Variants in OPN4 observed in about 807,000 individuals in gnomAD.
OPN4 encodes the protein opsin 4.
In OPN4, 43 loss-of-function variants were observed where a neutral mutation model predicts 49.5. The observed-to-expected ratio is 0.87, with a 90% CI of 0.68 to 1.12. The LOEUF is 1.12. OPN4 is among the 50% of genes most tolerant of loss of function. The pLI is 0.00. For missense variants in OPN4, 657 were observed against 643.9 expected (o/e 1.02, Z -0.22); for synonymous variants, 263 against 258.0 (o/e 1.02, Z -0.19).
At chr10:86,658,880 A>G (rs1266563666) in intron 4 of OPN4, among the ~76,000 whole-genome samples, 193 bp downstream of exon 4, 1 of 152,142 alleles carries the variant, frequency 6.6e-6, no homozygotes, top group Non-Finnish European at 1.5e-5. Flanking sequence ...TCAGGGGCCA[A>G]AGGATCTCCT....
intron 5 of OPN4, among the ~76,000 whole-genome samples, 188 bp from the exon 6 acceptor site, chr10:86,659,707 G>A (rs774252922): frequency 6.6e-6 from 1 of 152,244 alleles, no homozygotes; most frequent in African/African-American, 2.4e-5. Context: ...TCAAGAGGGA[G>A]TAGGGGGCAG....
At chr10:86,661,086 C>T (rs2132305642) in intron 6 of OPN4, among the ~76,000 whole-genome samples, 195 bp from the exon 7 acceptor site, 1 of 151,806 alleles carries the variant, frequency 6.6e-6, no homozygotes, top group Non-Finnish European at 1.5e-5. Flanking sequence ...GAGATCACAC[C>T]ACTGCCACTC....
chr10:86,661,343 C>T lies in OPN4; in HGVS notation c.1028C>T (p.Ala343Val), dbSNP rs765393160. ...CCAGCCGTCATCGCCAAGGCCTCTGCAATCCACAACCCCATCATTTACGCC... is the reference window on the plus strand; with the variant it reads ...CCAGCCGTCATCGCCAAGGCCTCTGTAATCCACAACCCCATCATTTACGCC... ...SVPAVIAKAS[A>V]IHNPIIYAIT... is the part of the protein sequence containing the mutation. The change falls in exon 7 of 10, where the codon GCA (alanine) becomes GTA (valine). Residue 343 changes from alanine to valine, a missense_variant. Ala to Val is a moderately conservative substitution (Grantham distance 64, BLOSUM62 0). Coordinates refer to ENST00000241891, the MANE Select transcript of OPN4 (RefSeq NM_033282.4). 3 of 1,614,110 alleles carry T rather than the reference C, an allele frequency of 1.9e-6. No individual in the cohort carries two copies. In the South Asian group the frequency reaches 3.3e-5, roughly 18 times the overall value.
intron 6 of OPN4, 121 bp downstream of exon 6, chr10:86,660,180 C>A: frequency 9.2e-7 from 1 of 1,091,838 alleles, no homozygotes; most frequent in Non-Finnish European, 1.3e-6. Context: ...CTAGGACCAG[C>A]TTCACAGCTT....
chr10:86,655,097 A>G (rs1026400682), intron 1 of OPN4, among the ~76,000 whole-genome samples, 170 bp downstream of exon 1: 3 of 152,226 alleles, frequency 2.0e-5, no homozygotes, highest in African/African-American at 7.2e-5. Flanking sequence ...AAACAGGCTG[A>G]TAGAGGAGGG....
chr10:86,662,462 G>T (rs55664627), intron 8 of OPN4, 30 bp downstream of exon 8: 10 of 1,534,148 alleles, frequency 6.5e-6, no homozygotes, highest in Non-Finnish European at 8.7e-6. Flanking sequence ...ACCAGCTTGC[G>T]CCTGGCCATC....
chr10:86,654,759 C>G lies in OPN4; in HGVS notation c.-25C>G. On this transcript the variant is annotated 5_prime_UTR_variant, in exon 1 of 10. Transcript: ENST00000241891. Reference sequence around the variant, plus strand: ...TGTGCCCTTGACTTCTCTGTGGGCTCGAGCAAGGACCATCCCAACTCAGGA... The same window carrying G: ...TGTGCCCTTGACTTCTCTGTGGGCTGGAGCAAGGACCATCCCAACTCAGGA... The G allele has an allele frequency of 1.3e-6, 2 of 1,594,664 alleles. No individual in the cohort carries two copies. Among genetic ancestry groups the G allele is most frequent in the Non-Finnish European group, 8.6e-7 (1 of 1,165,414 alleles).
In OPN4 at chr10:86,662,536, C is replaced by G; in HGVS notation, c.1254+104C>G. The G allele has an allele frequency of 2.7e-6, 3 of 1,122,142 alleles. 1 individual carries two copies. In the South Asian group the frequency reaches 4.7e-5, roughly 18 times the overall value. The allele number at this position is 1,122,142 out of a possible 1,614,324, so 69.5% of individuals were successfully genotyped here. On this transcript the variant is annotated intron_variant, in intron 8 of 9. Transcript: ENST00000241891. ...GGCCCTGGCAGGGCTGCCTCTGAGA[C>G]TCAGGGACACTGAGGACGCTGGCAC...
chr10:86,659,219 C>A, intron 4 of OPN4, 78 bp from the exon 5 acceptor site: 2 of 1,178,216 alleles, frequency 1.7e-6, no homozygotes, highest in Non-Finnish European at 2.4e-6. Context: ...GACCCGAATG[C>A]CACATACAAA....
At chr10:86,661,738 G>A (rs555200394) in intron 7 of OPN4, among the ~76,000 whole-genome samples, 1 of 138,088 alleles carries the variant, frequency 7.2e-6, no homozygotes, top group South Asian at 2.4e-4. Context: ...AATCACAGCA[G>A]GGAGAGCTCA....
chr10:86,659,941 T>TGGAAGC lies in OPN4; in HGVS notation c.849_850insAAGCGG (p.Trp283_Gln284insLysArg). The TGGAAGC allele has an allele frequency of 6.2e-7, 1 of 1,614,176 alleles. No individual in the cohort carries two copies. Among genetic ancestry groups the TGGAAGC allele is most frequent in the Non-Finnish European group, 8.5e-7 (1 of 1,180,004 alleles). ...CTGCAAGGGCAATGGCGAGTCCCTG[T>TGGAAGC]GGCAGCGGCAGCGGCTGCAGAGCGA... On this transcript the variant is annotated inframe_insertion, in exon 6 of 10. Coordinates refer to ENST00000241891, the MANE Select transcript of OPN4 (RefSeq NM_033282.4).
intron 2 of OPN4, among the ~76,000 whole-genome samples, chr10:86,656,853 G>A (rs1843879418): frequency 6.6e-6 from 1 of 150,460 alleles, no homozygotes; most frequent in South Asian, 2.1e-4. Flanking sequence ...GCTGAGGCAG[G>A]AAAATCGCCT....
In OPN4 at chr10:86,661,316, T is replaced by G. The variant is rs1844000748; in HGVS notation, c.1001T>G (p.Val334Gly). The change falls in exon 7 of 10, where the codon GTG (valine) becomes GGG (glycine). Residue 334 changes from valine to glycine, a missense_variant. Coordinates refer to ENST00000241891, the MANE Select transcript of OPN4 (RefSeq NM_033282.4). ...AHVLTPYMSSVPAVIAKASAI... is the reference protein window; with the variant it reads ...AHVLTPYMSSGPAVIAKASAI... ...GTCCTGACACCCTACATGAGCTCGGTGCCAGCCGTCATCGCCAAGGCCTCT... is the reference window on the plus strand; with the variant it reads ...GTCCTGACACCCTACATGAGCTCGGGGCCAGCCGTCATCGCCAAGGCCTCT... The G allele has an allele frequency of 6.2e-7, 1 of 1,614,062 alleles. No homozygotes were observed. Among genetic ancestry groups the G allele is most frequent in the African/African-American group, 1.3e-5 (1 of 75,018 alleles).
At chr10:86,655,714 A>AG in intron 1 of OPN4, among the ~76,000 whole-genome samples, 2 of 152,276 alleles carry the variant, frequency 1.3e-5, no homozygotes, top group Middle Eastern at 6.8e-3. Flanking sequence ...GACTCTTGAG[A>AG]GGGGCTCCAC....
chr10:86,665,880 G>A lies in OPN4; in HGVS notation c.*129G>A, dbSNP rs954793911. 1.9e-5 allele frequency: 14 copies of A among 736,108 alleles called. No homozygotes were observed. Among genetic ancestry groups the A allele is most frequent in the East Asian group, 2.6e-5 (1 of 38,768 alleles). 45.6% of individuals were successfully genotyped at this position (736,108 alleles called of 1,614,324 possible). A position where few individuals can be genotyped will look rare whatever the true frequency, so the allele number is the denominator to read the frequency against. The stretch of plus-strand genomic sequence containing the variant: ...AGTGGCCCTGTCACCCGTGCTGCAC[G>A]GGATTCACAGCCCCAGCCCCATGGC... On this transcript the variant is annotated 3_prime_UTR_variant, in exon 10 of 10. Coordinates refer to ENST00000241891, the MANE Select transcript of OPN4 (RefSeq NM_033282.4).
intron 4 of OPN4, among the ~76,000 whole-genome samples, 183 bp downstream of exon 4, chr10:86,658,870 T>C (rs556756618): frequency 6.6e-6 from 1 of 152,206 alleles, no homozygotes; most frequent in East Asian, 1.9e-4. Context: ...CACTGCCCCA[T>C]CAGGGGCCAA....
chr10:86,661,271 T>C lies in OPN4; in HGVS notation c.966-10T>C, dbSNP rs945759426. 9.3e-6 allele frequency: 15 copies of C among 1,611,716 alleles called. No individual in the cohort carries two copies. The highest frequency in any genetic ancestry group is 1.3e-5 in the Non-Finnish European group (15 of 1,178,232). On this transcript the variant is annotated splice_polypyrimidine_tract_variant and intron_variant, in intron 6 of 9. Transcript: ENST00000241891. ...CAGCTAGCTTGGGGACCACACCTTC[T>C]CTGTCCTAGGTACGCACACGTCCTG...
chr10:86,658,448 C>T, intron 3 of OPN4, 36 bp from the exon 4 acceptor site: 1 of 1,605,606 alleles, frequency 6.2e-7, no homozygotes, highest in Non-Finnish European at 8.5e-7. Flanking sequence ...CCCAGACCCT[C>T]CTCCCCAGGA....
Position 86,666,077 on chromosome 10 carries a change from T to C in OPN4, c.*326T>C, listed in dbSNP as rs927554900. ...GCTGCAATTGTCCAGGCGATGACAA[T>C]GGTGATGGCTCCAGAGAACACACCA... On this transcript the variant is annotated 3_prime_UTR_variant, in exon 10 of 10. Transcript: ENST00000241891. 2.4e-5 allele frequency: 9 copies of C among 370,382 alleles called. No homozygotes were observed. The highest frequency in any genetic ancestry group is 3.9e-5 in the Non-Finnish European group (8 of 203,520). 22.9% of individuals were successfully genotyped at this position (370,382 alleles called of 1,614,324 possible).
Sources: gnomAD v4.1 joint callset for allele counts (sites outside exome capture counted in the v4.1 genomes callset) on GRCh38, gnomAD v4.1.1 for gene constraint, MANE v1.5 for transcripts, NCBI Gene and HGNC (gene_info 2026-07-23, HGNC 2026-07-21) for gene names.